Variants in ADGRA1 observed in about 807,000 individuals in gnomAD.
ADGRA1 encodes adhesion G protein-coupled receptor A1.
Under a neutral mutation model 21.3 loss-of-function variants are expected in ADGRA1, and 12 were observed. The observed-to-expected ratio is 0.56, with a 90% CI of 0.36 to 0.91. ADGRA1 has a LOEUF of 0.91. Ranked by LOEUF, ADGRA1 falls within the 40% of genes least tolerant of loss-of-function variation. The pLI, the probability that ADGRA1 is intolerant of heterozygous loss-of-function variation, is 0.01. For missense variants in ADGRA1, 790 were observed against 805.6 expected (o/e 0.98, Z 0.23); for synonymous variants, 385 against 368.8 (o/e 1.04, Z -0.50).
At chr10:133,105,154 G>A (rs940748773) in intron 5 of ADGRA1, among the ~76,000 whole-genome samples, 1 of 152,218 alleles carries the variant, frequency 6.6e-6, no homozygotes, top group Non-Finnish European at 1.5e-5. Context: ...GGTCTGGGAG[G>A]GAAGGGCACA....
At chr10:133,124,846 G>T (rs905380946) in intron 5 of ADGRA1, among the ~76,000 whole-genome samples, 4 of 151,944 alleles carry the variant, frequency 2.6e-5, no homozygotes, top group Non-Finnish European at 5.9e-5. Context: ...CCCCGGCCCC[G>T]GCCCCGGCCC....
Position 133,088,927 on chromosome 10 carries a change from C to G in ADGRA1, c.3+15C>G. ...CAGCGCTCATGGTGAGTACGGGGGT[C>G]CCGGGGGTCCTGCAGCTGGGGGCTA... is the stretch of plus-strand genomic sequence containing the variant. On this transcript the variant is annotated intron_variant, in intron 2 of 6. Coordinates refer to ENST00000392607, the MANE Select transcript of ADGRA1 (RefSeq NM_001083909.3). The G allele has an allele frequency of 8.1e-7, 1 of 1,241,584 alleles. No individual in the cohort carries two copies. The allele number at this position is 1,241,584 out of a possible 1,614,324, so 76.9% of individuals were successfully genotyped here.
chr10:133,089,880 G>A (rs907946399), intron 2 of ADGRA1, among the ~76,000 whole-genome samples: 25 of 152,316 alleles, frequency 1.6e-4, no homozygotes, highest in Middle Eastern at 6.8e-3. Flanking sequence ...ACAAGGTTGC[G>A]TCTCCAGCAC....
intron 5 of ADGRA1, among the ~76,000 whole-genome samples, chr10:133,112,442 G>A (rs948985273): frequency 2.1e-5 from 3 of 141,624 alleles, no homozygotes; most frequent in Non-Finnish European, 4.6e-5. Flanking sequence ...GTTATTTGGG[G>A]TCTACGGGCC....
rs1419818612 is a variant in ADGRA1 at position 133,128,388 on chromosome 10, C to A, written c.560C>A (p.Thr187Asn). 5 of 1,598,676 alleles carry A rather than the reference C, an allele frequency of 3.1e-6. 1 individual carries two copies. The highest frequency in any genetic ancestry group is 3.5e-5 in the Admixed American group (2 of 57,472). Reference protein sequence around the residue: ...GAFYGPAAIITLVTCVYFLGT... With the variant: ...GAFYGPAAIINLVTCVYFLGT... ...TTCTACGGCCCAGCCGCCATCATCA[C>A]CCTGGTCACCTGTGTGTACTTCCTG... Residue 187 changes from threonine (T) to asparagine (N), a missense_variant, in exon 7 of 7, where the codon ACC becomes AAC. Transcript: ENST00000392607.
chr10:133,108,098 C>A (rs569297476), intron 5 of ADGRA1, among the ~76,000 whole-genome samples: 125 of 152,308 alleles, frequency 8.2e-4, no homozygotes, highest in South Asian at 7.3e-3. Context: ...CACGAGGGGC[C>A]AGGGAGTGCC....
At chr10:133,106,363 C>A (rs148789086) in intron 5 of ADGRA1, among the ~76,000 whole-genome samples, 21 of 152,376 alleles carry the variant, frequency 1.4e-4, no homozygotes, top group South Asian at 4.1e-4. Context: ...ATGAGTCACA[C>A]GCAGGCTCCA....
chr10:133,114,868 C>A (rs537882634), intron 5 of ADGRA1, among the ~76,000 whole-genome samples: 1 of 152,354 alleles, frequency 6.6e-6, no homozygotes, highest in African/African-American at 2.4e-5. Flanking sequence ...CACCACCAAT[C>A]CAGGCAGCTC....
At chr10:133,124,120 A>G (rs1852329037) in intron 5 of ADGRA1, among the ~76,000 whole-genome samples, 1 of 151,736 alleles carries the variant, frequency 6.6e-6, no homozygotes, top group Non-Finnish European at 1.5e-5. Context: ...GGCTGGTCCC[A>G]GGCTCTGCAC....
chr10:133,117,013 C>T (rs1318462202), intron 5 of ADGRA1, among the ~76,000 whole-genome samples: 1 of 152,160 alleles, frequency 6.6e-6, no homozygotes, highest in African/African-American at 2.4e-5. Context: ...TGGAAGGTGG[C>T]CTCGGTCGGT....
intron 4 of ADGRA1, among the ~76,000 whole-genome samples, chr10:133,101,077 C>T (rs1196862721): frequency 2.0e-5 from 3 of 152,246 alleles, no homozygotes; most frequent in Admixed American, 2.0e-4. Flanking sequence ...CGCATTCCCG[C>T]CTCCGGGTAA....
At chr10:133,091,133 C>A (rs1035210907) in intron 2 of ADGRA1, among the ~76,000 whole-genome samples, 2 of 152,198 alleles carry the variant, frequency 1.3e-5, no homozygotes, top group Non-Finnish European at 2.9e-5. Flanking sequence ...CACTTCGCAC[C>A]CTGTAACTTG....
intron 5 of ADGRA1, among the ~76,000 whole-genome samples, chr10:133,114,502 T>C (rs75144265): frequency 0.019 from 2,932 of 152,268 alleles, 41 homozygotes; most frequent in Non-Finnish European, 0.027. Context: ...GGCCCTGTCC[T>C]TCTCCACCTG....
intron 2 of ADGRA1, chr10:133,095,668 GT>G: frequency 6.3e-7 from 1 of 1,596,602 alleles, no homozygotes; most frequent in Non-Finnish European, 8.5e-7. Context: ...TCTGTCCACG[GT>G]GGACACTCTC....
At chr10:133,101,830 C>T (rs1431274403) in intron 4 of ADGRA1, among the ~76,000 whole-genome samples, 1 of 152,210 alleles carries the variant, frequency 6.6e-6, no homozygotes, top group African/African-American at 2.4e-5. Flanking sequence ...CAGCGGCGCA[C>T]AGGGATCTCA....
At chr10:133,118,488 G>T (rs901086246) in intron 5 of ADGRA1, among the ~76,000 whole-genome samples, 4 of 152,086 alleles carry the variant, frequency 2.6e-5, no homozygotes, top group Non-Finnish European at 4.4e-5. Context: ...CATGGTGGAA[G>T]GTGAAGGGGA....
Position 133,123,188 on chromosome 10 carries a change from A to AGTCCCTCTGCGCCC in ADGRA1, c.402-4027_402-4014dup, listed in dbSNP as rs550335515. ...GCCCATCCCTGGCAGGGGCCCCGCG[A>AGTCCCTCTGCGCCC]GTCCCTCTGCGCCCGTCCCTCTGCG... On this transcript the variant is annotated intron_variant, in intron 5 of 6. Coordinates refer to ENST00000392607, the MANE Select transcript of ADGRA1 (RefSeq NM_001083909.3). 6.6e-4 allele frequency among the ~76,000 whole-genome samples: 101 copies of AGTCCCTCTGCGCCC among 152,190 alleles called. 1 individual carries two copies. Among genetic ancestry groups the AGTCCCTCTGCGCCC allele is most frequent in the Admixed American group, 4.4e-3 (68 of 15,296 alleles).
chr10:133,106,723 C>A (rs975634410), intron 5 of ADGRA1, among the ~76,000 whole-genome samples: 4 of 152,254 alleles, frequency 2.6e-5, no homozygotes, highest in Non-Finnish European at 5.9e-5. Context: ...AGTGGATGGA[C>A]GTCACACAGA....
In ADGRA1 at chr10:133,088,146, G is replaced by C. The variant is rs969834016; in HGVS notation, c.-203+8G>C. The C allele has an allele frequency of 1.4e-5, 14 of 980,678 alleles. No individual in the cohort carries two copies. The highest frequency in any genetic ancestry group is 1.7e-5 in the Non-Finnish European group (14 of 825,830). 60.7% of individuals were successfully genotyped at this position (980,678 alleles called of 1,614,324 possible). ...CCGCTTCGGCCACAGCAGGTGGGAA[G>C]GACGCGCGGGTCTGGGCGGCGGGAG... On this transcript the variant is annotated splice_region_variant and intron_variant, in intron 1 of 6. Transcript: ENST00000392607.
Sources: allele counts gnomAD v4.1 joint callset (sites outside exome capture counted in the v4.1 genomes callset), GRCh38; gene constraint gnomAD v4.1.1; transcripts MANE v1.5; gene names NCBI Gene and HGNC (gene_info 2026-07-23, HGNC 2026-07-21).